Variants in ARID4B observed in about 807,000 individuals in gnomAD.
ARID4B encodes AT-rich interactive domain-containing protein 4B.
A neutral mutation model predicts 147.5 loss-of-function variants in ARID4B; 26 were observed. The ratio of observed to expected loss-of-function variants is 0.18; its 90% CI spans 0.13 to 0.24. ARID4B has a LOEUF of 0.24. Among genes scored for constraint, ARID4B ranks in the 10% least tolerant of loss-of-function variants. The probability of loss-of-function intolerance (pLI) is 1.00; values close to 1 mark genes in which losing one functional copy is unlikely to be tolerated. For synonymous variants in ARID4B, 512 were observed against 507.9 expected (o/e 1.01, Z -0.11); for missense variants, 1,179 against 1,511.5 (o/e 0.78, Z 3.65).
intron 18 of ARID4B, 80 bp downstream of exon 18, chr1:235,195,951 C>A (rs1665462117): frequency 3.6e-6 from 3 of 831,196 alleles, no homozygotes; most frequent in Non-Finnish European, 6.0e-6. Context: ...AAGTGTAACA[C>A]TAACACATAT....
intron 8 of ARID4B, among the ~76,000 whole-genome samples, chr1:235,238,324 G>C (rs1668755746): frequency 1.3e-5 from 2 of 152,010 alleles, no homozygotes; most frequent in African/African-American, 2.4e-5. Flanking sequence ...AAATTTTATT[G>C]AATGTCATTA....
intron 9 of ARID4B, among the ~76,000 whole-genome samples, chr1:235,232,287 G>T (rs1371393778): frequency 6.6e-6 from 1 of 151,962 alleles, no homozygotes; most frequent in East Asian, 1.9e-4. Context: ...GGGTGTGGTG[G>T]TGCATGCCTG....
chr1:235,306,857 G>A lies in ARID4B; in HGVS notation c.6+20057C>T, dbSNP rs564323602. The stretch of plus-strand genomic sequence containing the variant: ...ATTTTTGGTAGAGACAGGGTTTCGC[G>A]ATGTTGGCCGGGCTAGTCTCAAACT... On this transcript the variant is annotated intron_variant, in intron 2 of 23. Coordinates refer to ENST00000264183, the MANE Select transcript of ARID4B (RefSeq NM_016374.6). 9.1e-4 allele frequency among the ~76,000 whole-genome samples: 138 copies of A among 152,086 alleles called. 1 individual carries two copies. The highest frequency in any genetic ancestry group is 3.4e-3 in the Middle Eastern group (1 of 292).
chr1:235,215,475 A>C (rs1571996617), intron 16 of ARID4B, among the ~76,000 whole-genome samples: 1 of 151,512 alleles, frequency 6.6e-6, no homozygotes, highest in Admixed American at 6.6e-5. Context: ...TGATATATTA[A>C]AATATATGCT....
intron 19 of ARID4B, among the ~76,000 whole-genome samples, chr1:235,187,730 A>G (rs1664793401): frequency 6.6e-6 from 1 of 152,222 alleles, no homozygotes; most frequent in Non-Finnish European, 1.5e-5. Flanking sequence ...ATATGCATTC[A>G]TATGATGATC....
chr1:235,209,916 A>G (rs1382844224), intron 17 of ARID4B, among the ~76,000 whole-genome samples: 1 of 152,156 alleles, frequency 6.6e-6, no homozygotes, highest in Non-Finnish European at 1.5e-5. Context: ...TTATTTGAGA[A>G]AATCTCTTTA....
intron 19 of ARID4B, 75 bp downstream of exon 19, chr1:235,193,938 C>A (rs1051251653): frequency 2.2e-5 from 26 of 1,157,884 alleles, no homozygotes; most frequent in Non-Finnish European, 3.1e-5. Flanking sequence ...GGTAATGTCA[C>A]TGAATTACCT....
chr1:235,206,451 G>C (rs144116575), intron 17 of ARID4B, among the ~76,000 whole-genome samples: 1 of 152,088 alleles, frequency 6.6e-6, no homozygotes, highest in East Asian at 1.9e-4. Flanking sequence ...GTTAGGATTG[G>C]AAAAATAGGA....
At chr1:235,281,205 G>A (rs549440809) in intron 2 of ARID4B, among the ~76,000 whole-genome samples, 1 of 152,216 alleles carries the variant, frequency 6.6e-6, no homozygotes, top group East Asian at 1.9e-4. Context: ...TGGATCACTT[G>A]AGCCCAGTTC....
chr1:235,220,029 G>GT (rs2103022650), intron 15 of ARID4B, 61 bp from the exon 16 acceptor site: 2 of 1,160,960 alleles, frequency 1.7e-6, no homozygotes, highest in African/African-American at 3.2e-5. Flanking sequence ...TATATCCATG[G>GT]TTTATCTCTT....
rs920544203 is a variant in ARID4B at position 235,167,972 on chromosome 1, T to C, written c.*553A>G. ...TCTTTTTTAAAGAGAATCTTTAATATTTGGTTACCAGGATTGATGTCTAAT... is the reference window on the plus strand; with the variant it reads ...TCTTTTTTAAAGAGAATCTTTAATACTTGGTTACCAGGATTGATGTCTAAT... On this transcript the variant is annotated 3_prime_UTR_variant, in exon 24 of 24. Transcript: ENST00000264183. 5.1e-6 allele frequency: 1 copy of C among 197,032 alleles called. No individual in the cohort carries two copies. The highest frequency in any genetic ancestry group is 2.3e-5 in the African/African-American group (1 of 43,358). 12.2% of individuals were successfully genotyped at this position (197,032 alleles called of 1,614,324 possible). A position where few individuals can be genotyped will look rare whatever the true frequency, so the allele number is the denominator to read the frequency against.
intron 2 of ARID4B, among the ~76,000 whole-genome samples, chr1:235,311,364 A>ATAC (rs1674039427): frequency 1.1e-5 from 1 of 92,808 alleles, no homozygotes; most frequent in South Asian, 2.7e-4. Context: ...AACAATAATA[A>ATAC]TAATAATAAT....
At chr1:235,246,585 T>A in intron 6 of ARID4B, 74 bp from the exon 7 acceptor site, 2 of 1,006,592 alleles carry the variant, frequency 2.0e-6, no homozygotes, top group Non-Finnish European at 3.1e-6. Flanking sequence ...ACCAAATCAA[T>A]TTAAGAATAT....
chr1:235,238,980 TTTC>T (rs1481703791), intron 8 of ARID4B, among the ~76,000 whole-genome samples: 10 of 138,346 alleles, frequency 7.2e-5, no homozygotes, highest in East Asian at 2.0e-4. Context: ...ATTCTTTTTT[TTTC>T]TTCTTTTTTT....
At chr1:235,300,905 C>T (rs998811983) in intron 2 of ARID4B, among the ~76,000 whole-genome samples, 1 of 151,900 alleles carries the variant, frequency 6.6e-6, no homozygotes, top group African/African-American at 2.4e-5. Flanking sequence ...TTAGTAGAGG[C>T]GGGGTTTCAC....
chr1:235,301,864 GC>G (rs1463528258), intron 2 of ARID4B, among the ~76,000 whole-genome samples: 1 of 151,828 alleles, frequency 6.6e-6, no homozygotes, highest in South Asian at 2.1e-4. Flanking sequence ...ACAGGTGCCT[GC>G]TACCACACCC....
intron 2 of ARID4B, among the ~76,000 whole-genome samples, chr1:235,284,910 A>AT (rs1243615836): frequency 5.4e-4 from 65 of 120,394 alleles, no homozygotes; most frequent in African/African-American, 1.0e-3. Context: ...ATATATATAT[A>AT]TTTTTTTTTT....
chr1:235,176,437 C>CAAAAAAAAA lies in ARID4B; in HGVS notation c.3449-1047_3449-1039dup, dbSNP rs34808765. 9.3e-4 allele frequency among the ~76,000 whole-genome samples: 21 copies of CAAAAAAAAA among 22,534 alleles called. 1 individual carries two copies. Among genetic ancestry groups the CAAAAAAAAA allele is most frequent in the East Asian group, 1.7e-3 (1 of 576 alleles). 14.8% of individuals were successfully genotyped at this position (22,534 alleles called of 152,430 possible). A position where few individuals can be genotyped will look rare whatever the true frequency, so the allele number is the denominator to read the frequency against. ...CTGATTTTTCACTTAACAACATCAC[C>CAAAAAAAAA]AAAAAAAAAAAAAAAAAAAAAAAAA... On this transcript the variant is annotated intron_variant, in intron 21 of 23. Transcript: ENST00000264183.
chr1:235,219,717 C>T (rs1338151826), intron 16 of ARID4B, 76 bp downstream of exon 16: 2 of 1,185,486 alleles, frequency 1.7e-6, no homozygotes, highest in South Asian at 1.4e-5. Flanking sequence ...TAGATTCATA[C>T]ATAAACACAT....
Sources: allele counts gnomAD v4.1 joint callset (sites outside exome capture counted in the v4.1 genomes callset), GRCh38; gene constraint gnomAD v4.1.1; transcripts MANE v1.5; gene names NCBI Gene and HGNC (gene_info 2026-07-23, HGNC 2026-07-21).